BANP: variants seen among roughly 807,000 people sequenced by gnomAD.
The protein encoded by BANP is protein BANP.
In BANP, 11 loss-of-function variants were observed where a neutral mutation model predicts 68.1. The observed-to-expected ratio is 0.16, with a 90% CI of 0.10 to 0.27. The LOEUF (loss-of-function observed/expected upper bound fraction) is 0.27. BANP is among the 10% of genes least tolerant of loss of function. The probability of loss-of-function intolerance (pLI) is 1.00; values close to 1 mark genes in which losing one functional copy is unlikely to be tolerated. For synonymous variants in BANP, 329 were observed against 303.2 expected (o/e 1.09, Z -0.88); for missense variants, 504 against 722.7 (o/e 0.70, Z 3.47).
chr16:88,003,275 C>T lies in BANP; in HGVS notation c.363-1020C>T, dbSNP rs2069961440. Reference sequence around the variant, plus strand: ...TATTTTAGGAGAAAACCTGGTGGTCCTGTGATTTACTTGAGCATGGCGTGG... The same window carrying T: ...TATTTTAGGAGAAAACCTGGTGGTCTTGTGATTTACTTGAGCATGGCGTGG... On this transcript the variant is annotated intron_variant, in intron 4 of 13. Transcript: ENST00000682872. This position sits in a 1 kb window ranked among gnomAD's most constrained non-coding sequence, Gnocchi z 6.1. Among the ~76,000 whole-genome samples the T allele has an allele frequency of 6.6e-6, 1 of 152,154 alleles. No homozygotes were observed. Among genetic ancestry groups the T allele is most frequent in the Non-Finnish European group, 1.5e-5 (1 of 68,030 alleles).
chr16:88,032,972 T>G, intron 8 of BANP, 137 bp from the exon 9 acceptor site: 1 of 1,005,692 alleles, frequency 9.9e-7, no homozygotes. Context: ...GGAGATGCAG[T>G]GAGTCGAGGA....
At chr16:88,067,925 G>A (rs1243458024) in intron 12 of BANP, among the ~76,000 whole-genome samples, 3 of 152,220 alleles carry the variant, frequency 2.0e-5, no homozygotes, top group South Asian at 2.1e-4. Flanking sequence ...GGGCCTCCCC[G>A]TAGCATCCAC....
chr16:88,023,072 A>G (rs984805984), intron 7 of BANP, among the ~76,000 whole-genome samples: 4 of 152,130 alleles, frequency 2.6e-5, no homozygotes, highest in African/African-American at 4.8e-5. Context: ...AGGCTGCCCT[A>G]TATGTGTCCT....
rs117216633 is a variant in BANP at position 88,034,086 on chromosome 16, G to A, written c.1200+841G>A. Among the ~76,000 whole-genome samples the A allele has an allele frequency of 5.9e-3, 899 of 152,338 alleles. 6 individuals are homozygous for A. The highest frequency in any genetic ancestry group is 0.01 in the Non-Finnish European group (696 of 68,032). ...GGTCCTCCACTATTGAGAGTGGGGC[G>A]TGGCTCTCATCTCAGTGTGGCTTCA... On this transcript the variant is annotated intron_variant, in intron 9 of 13. Coordinates refer to ENST00000682872, the MANE Select transcript of BANP (RefSeq NM_001386991.1).
intron 2 of BANP, 60 bp downstream of exon 2, chr16:87,975,245 G>T: frequency 6.6e-7 from 1 of 1,525,568 alleles, no homozygotes; most frequent in Non-Finnish European, 9.1e-7. Flanking sequence ...AAAACCAAAA[G>T]CTGCTCCAGT....
At chr16:88,050,691 T>C (rs964187709) in intron 11 of BANP, among the ~76,000 whole-genome samples, 2 of 152,014 alleles carry the variant, frequency 1.3e-5, no homozygotes, top group South Asian at 2.1e-4. Context: ...GTTTTTTCAT[T>C]TTAATTTTTT....
intron 6 of BANP, among the ~76,000 whole-genome samples, chr16:88,010,662 G>T (rs563960816): frequency 6.6e-6 from 1 of 152,204 alleles, no homozygotes; most frequent in Non-Finnish European, 1.5e-5. Context: ...AATGTTAGCC[G>T]TGCACATGGA....
Position 88,027,640 on chromosome 16 carries a change from C to T in BANP, c.1053C>T (p.Tyr351=), listed in dbSNP as rs1376944308. The change falls in exon 8 of 14, where the codon TAC becomes TAT. Residue 351 remains tyrosine (Y), a synonymous_variant. Transcript: ENST00000682872. ...FSRRTPNSSS[Y]CPSEPMMSTP... ...GGAGAACGCCCAACTCGTCCTCCTA[C>T]TGCCCTTCAGGTAGGCCTCGTGCTG... 1.9e-6 allele frequency: 3 copies of T among 1,613,232 alleles called. No individual in the cohort carries two copies. Among genetic ancestry groups the T allele is most frequent in the African/African-American group, 2.7e-5 (2 of 74,924 alleles).
intron 4 of BANP, among the ~76,000 whole-genome samples, chr16:87,995,815 G>C (rs1336694944): frequency 6.6e-6 from 1 of 152,248 alleles, no homozygotes; most frequent in Non-Finnish European, 1.5e-5. Flanking sequence ...CAAGATCTTG[G>C]GCTCGGCGGG....
intron 13 of BANP, among the ~76,000 whole-genome samples, chr16:88,073,543 G>C (rs1472526044): frequency 1.4e-5 from 2 of 144,400 alleles, no homozygotes; most frequent in Non-Finnish European, 3.1e-5. Context: ...GAACGCACAG[G>C]CAGTGAGGAG....
intron 11 of BANP, among the ~76,000 whole-genome samples, chr16:88,058,668 C>G (rs1293603701): frequency 6.6e-6 from 1 of 152,094 alleles, no homozygotes; most frequent in Non-Finnish European, 1.5e-5. Flanking sequence ...GTGTGTCCTG[C>G]CCCGGGGTTT....
intron 9 of BANP, among the ~76,000 whole-genome samples, chr16:88,034,467 C>CT (rs1212181841): frequency 8.8e-6 from 1 of 113,738 alleles, no homozygotes; most frequent in East Asian, 2.0e-4. Context: ...ACAGTGGATT[C>CT]TTTGATTTTT....
At chr16:88,041,616 T>C (rs1242619884) in intron 11 of BANP, among the ~76,000 whole-genome samples, 1 of 152,206 alleles carries the variant, frequency 6.6e-6, no homozygotes, top group East Asian at 1.9e-4. Flanking sequence ...ATTACGTCTC[T>C]GTCTGCTCTG....
chr16:87,997,238 T>A (rs909242499), intron 4 of BANP, among the ~76,000 whole-genome samples: 4 of 152,224 alleles, frequency 2.6e-5, no homozygotes, highest in Admixed American at 6.5e-5. Context: ...GGATTACAGG[T>A]GTGAGCCACC....
intron 12 of BANP, among the ~76,000 whole-genome samples, chr16:88,067,380 G>A (rs1047815034): frequency 5.3e-5 from 8 of 152,032 alleles, no homozygotes; most frequent in African/African-American, 1.4e-4. Flanking sequence ...CCACATCTGC[G>A]CCGGGGCCTC....
chr16:88,026,550 T>C (rs2077029222), intron 7 of BANP, among the ~76,000 whole-genome samples: 1 of 152,144 alleles, frequency 6.6e-6, no homozygotes, highest in South Asian at 2.1e-4. Context: ...CTCCAAACTG[T>C]GTTTGCGAGG....
In BANP at chr16:88,027,565, G is replaced by T; in HGVS notation, c.978G>T (p.Ala326=). 1 of 1,613,864 alleles carries T rather than the reference G, an allele frequency of 6.2e-7. No individual in the cohort carries two copies. Among genetic ancestry groups the T allele is most frequent in the South Asian group, 1.1e-5 (1 of 91,074 alleles). Residue 326 remains alanine, a synonymous_variant, in exon 8 of 14, where the codon GCG becomes GCT. Transcript: ENST00000682872. ...GCATCGACTCCAAGTGCCGCACGGC[G>T]TGGCGGCGCAAGCAGCGGGGCCAGA... ...KQSIDSKCRT[A]WRRKQRGQSL...
chr16:87,956,624 G>C (rs2058096564), intron 1 of BANP: 1 of 152,250 alleles, frequency 6.6e-6, no homozygotes, highest in South Asian at 2.1e-4. Flanking sequence ...CGAGTGATTG[G>C]TACGTGGCCT....
At chr16:88,062,840 CCTGCATCAGA>C (rs2087243423) in intron 11 of BANP, among the ~76,000 whole-genome samples, 1 of 152,216 alleles carries the variant, frequency 6.6e-6, no homozygotes, top group Non-Finnish European at 1.5e-5. Flanking sequence ...CCCCTGAAGG[CCTGCATCAGA>C]CTTGGGGTTC....
Sources: allele counts gnomAD v4.1 joint callset (sites outside exome capture counted in the v4.1 genomes callset), GRCh38; gene constraint gnomAD v4.1.1; non-coding constraint Gnocchi (gnomAD v3.1); transcripts MANE v1.5; gene names NCBI Gene and HGNC (gene_info 2026-07-23, HGNC 2026-07-21).